The following MTFR1 variants were observed in gnomAD, a reference collection of about 807,000 sequenced individuals.
MTFR1 encodes the protein chondrocyte protein with a poly-proline region.
Under a neutral mutation model 38.8 loss-of-function variants are expected in MTFR1, and 28 were observed. The ratio of observed to expected loss-of-function variants is 0.72; its 90% CI spans 0.53 to 0.99. MTFR1 has a LOEUF of 0.99. Among genes scored for constraint, MTFR1 ranks in the 50% least tolerant of loss-of-function variants. The pLI, the probability that MTFR1 is intolerant of heterozygous loss-of-function variation, is 0.00. For synonymous variants in MTFR1, 145 were observed against 137.0 expected (o/e 1.06, Z -0.41); for missense variants, 358 against 395.5 (o/e 0.91, Z 0.81).
At chr8:65,666,060 A>T (rs1804372559) in intron 1 of MTFR1, among the ~76,000 whole-genome samples, 1 of 152,216 alleles carries the variant, frequency 6.6e-6, no homozygotes, top group Non-Finnish European at 1.5e-5. Context: ...CATTAGCTTT[A>T]GAATATAAAC....
Position 65,734,818 on chromosome 8 carries a change from C to T in MTFR1, c.*48+15337C>T. On this transcript the variant is annotated intron_variant, in intron 3 of 3. Coordinates refer to the MTFR1 transcript ENST00000521247. ...CCTTAGGTTCCTTTAAGTAACAGTG[C>T]ATGGCCTGAGTAACATCCGCAGCGT... 6.2e-7 allele frequency: 1 copy of T among 1,606,720 alleles called. No individual in the cohort carries two copies. Among genetic ancestry groups the T allele is most frequent in the Non-Finnish European group, 8.5e-7 (1 of 1,173,280 alleles).
chr8:65,656,448 C>G (rs985350235), intron 1 of MTFR1, among the ~76,000 whole-genome samples: 1 of 151,610 alleles, frequency 6.6e-6, no homozygotes, highest in Non-Finnish European at 1.5e-5. Context: ...ATCTTTATGC[C>G]TCAGCCTCCT....
chr8:65,723,569 G>A lies in MTFR1; in HGVS notation c.*48+4088G>A, dbSNP rs774315369. On this transcript the variant is annotated intron_variant, in intron 3 of 3. Coordinates refer to the MTFR1 transcript ENST00000521247. Reference sequence around the variant, plus strand: ...TCTGGATGTTGGCAATAGATTCAGTGTGACGATCGCAAAGTGGACTCACAC... The same window carrying A: ...TCTGGATGTTGGCAATAGATTCAGTATGACGATCGCAAAGTGGACTCACAC... 5.7e-6 allele frequency: 9 copies of A among 1,582,710 alleles called. No homozygotes were observed. In the South Asian group the frequency reaches 9.6e-5, roughly 17 times the overall value.
intron 3 of MTFR1, among the ~76,000 whole-genome samples, chr8:65,692,890 T>C (rs904099017): frequency 2.7e-5 from 4 of 150,150 alleles, no homozygotes; most frequent in African/African-American, 9.8e-5. Context: ...CTTTTGCTTG[T>C]TCTTTTTTTT....
chr8:65,757,665 C>CTGAA (rs1451389859), intron 3 of MTFR1, among the ~76,000 whole-genome samples: 1 of 152,188 alleles, frequency 6.6e-6, no homozygotes, highest in Non-Finnish European at 1.5e-5. Flanking sequence ...GTCGCCCAGG[C>CTGAA]TGAAGTGCAG....
rs192282398 is a variant in MTFR1 at position 65,730,420 on chromosome 8, T to C, written c.*48+10939T>C. Among the ~76,000 whole-genome samples, 185 of 151,776 alleles carry C rather than the reference T, an allele frequency of 1.2e-3. 1 individual carries two copies. The highest frequency in any genetic ancestry group is 4.3e-3 in the African/African-American group (179 of 41,422). Reference sequence around the variant, plus strand: ...GTCTCGAACTCCCAACCTCAGGTGATCCACCTGCCTCAGCCTCCCAAAGTG... The same window carrying C: ...GTCTCGAACTCCCAACCTCAGGTGACCCACCTGCCTCAGCCTCCCAAAGTG... On this transcript the variant is annotated intron_variant, in intron 3 of 3. Coordinates refer to the MTFR1 transcript ENST00000521247.
intron 3 of MTFR1, among the ~76,000 whole-genome samples, chr8:65,741,514 G>A (rs1807435146): frequency 6.6e-6 from 1 of 152,218 alleles, no homozygotes; most frequent in African/African-American, 2.4e-5. Context: ...CAGAAAAGAT[G>A]TGGCAGGCCA....
chr8:65,681,722 A>G (rs1804900932), intron 2 of MTFR1, among the ~76,000 whole-genome samples: 1 of 142,348 alleles, frequency 7.0e-6, no homozygotes, highest in Non-Finnish European at 1.5e-5. Context: ...TAAGCATAGC[A>G]TAATGTCCTG....
At chr8:65,713,439 A>AACACACACACACACACACACACACAC (rs144454204), downstream of MTFR1, among the ~76,000 whole-genome samples, 6 of 137,472 alleles carry the variant, frequency 4.4e-5, no homozygotes, top group Admixed American at 7.4e-5. Flanking sequence ...TCCCATCTCA[A>AACACACACACACACACACACACACAC]ACACACACAC....
At chr8:65,707,582 G>C (rs1034526804) in intron 6 of MTFR1, among the ~76,000 whole-genome samples, 1 of 152,198 alleles carries the variant, frequency 6.6e-6, no homozygotes, top group Non-Finnish European at 1.5e-5. Flanking sequence ...GACATGCATG[G>C]AACAGGGAAC....
intron 3 of MTFR1, among the ~76,000 whole-genome samples, chr8:65,689,076 T>G (rs1585781219): frequency 6.6e-6 from 1 of 151,986 alleles, no homozygotes; most frequent in Non-Finnish European, 1.5e-5. Flanking sequence ...ACCTGGGAGG[T>G]GGAGGTTACA....
At chr8:65,684,484 C>T (rs1454789139) in intron 3 of MTFR1, among the ~76,000 whole-genome samples, 1 of 151,434 alleles carries the variant, frequency 6.6e-6, no homozygotes, top group African/African-American at 2.4e-5. Flanking sequence ...CTCCCAGCTT[C>T]AAGCAGTTCT....
At chr8:65,697,482 T>C (rs1805480526) in intron 4 of MTFR1, among the ~76,000 whole-genome samples, 1 of 152,238 alleles carries the variant, frequency 6.6e-6, no homozygotes, top group South Asian at 2.1e-4. Context: ...TGCTCAGTAG[T>C]AGTCATTGGT....
At chr8:65,651,958 C>T (rs988811857) in intron 1 of MTFR1, among the ~76,000 whole-genome samples, 3 of 147,048 alleles carry the variant, frequency 2.0e-5, no homozygotes, top group Non-Finnish European at 4.5e-5. Context: ...TGTGTGCCCC[C>T]TTTAATTTTT....
At chr8:65,775,243 T>G (rs779958813), downstream of MTFR1, among the ~76,000 whole-genome samples, 6 of 152,170 alleles carry the variant, frequency 3.9e-5, no homozygotes, top group Admixed American at 6.5e-5. Flanking sequence ...AGTTACAGAG[T>G]TCTACTTTTA....
chr8:65,778,393 G>A, the MTFR1 span, among the ~76,000 whole-genome samples: 6 of 152,148 alleles, frequency 3.9e-5, no homozygotes, highest in African/African-American at 1.4e-4. Context: ...GGAGGTTCCA[G>A]CCCTGGAAGA....
chr8:65,715,922 G>A (rs1250363858), intron 2 of MTFR1, among the ~76,000 whole-genome samples: 4 of 146,992 alleles, frequency 2.7e-5, no homozygotes, highest in East Asian at 4.1e-4. Flanking sequence ...GCGTGAACCC[G>A]GGAGGCGGAA....
intron 3 of MTFR1, among the ~76,000 whole-genome samples, chr8:65,768,491 G>T (rs1345931562): frequency 6.6e-6 from 1 of 152,172 alleles, no homozygotes; most frequent in East Asian, 1.9e-4. Context: ...CATGTGAGAT[G>T]TGCCTTTCAC....
At chr8:65,663,813 A>ATTTTTT (rs1804285914) in intron 1 of MTFR1, among the ~76,000 whole-genome samples, 1 of 89,104 alleles carries the variant, frequency 1.1e-5, no homozygotes, top group Admixed American at 1.3e-4. Context: ...CTTTTTTTTA[A>ATTTTTT]TTTCTTTTCT....
Sources: allele counts gnomAD v4.1 joint callset (sites outside exome capture counted in the v4.1 genomes callset), GRCh38; gene constraint gnomAD v4.1.1; transcripts MANE v1.5; gene names NCBI Gene and HGNC (gene_info 2026-07-23, HGNC 2026-07-21).